CNBD1: variants seen among roughly 807,000 people sequenced by gnomAD.
The protein encoded by CNBD1 is cyclic nucleotide-binding domain-containing protein 1.
Under a neutral mutation model 54.4 loss-of-function variants are expected in CNBD1, and 71 were observed. The observed-to-expected ratio is 1.30, with a 90% CI of 1.08 to 1.59. The LOEUF is 1.59. Among genes scored for constraint, CNBD1 ranks in the 40% most tolerant of loss-of-function variants. CNBD1 has a pLI of 0.00. For synonymous variants in CNBD1, 182 were observed against 170.7 expected (o/e 1.07, Z -0.51); for missense variants, 659 against 518.0 (o/e 1.27, Z -2.64).
chr8:87,118,830 C>T (rs1811833018), intron 4 of CNBD1, among the ~76,000 whole-genome samples: 1 of 152,108 alleles, frequency 6.6e-6, no homozygotes. Context: ...AGTTTCCTGA[C>T]CTAATATTTG....
chr8:87,147,868 G>A (rs550605592), intron 4 of CNBD1, among the ~76,000 whole-genome samples: 4 of 152,046 alleles, frequency 2.6e-5, no homozygotes, highest in Non-Finnish European at 5.9e-5. Flanking sequence ...CATTAATTCT[G>A]TTTCTAACTC....
downstream of CNBD1, among the ~76,000 whole-genome samples, chr8:87,385,384 C>T (rs915714714): frequency 6.6e-6 from 1 of 152,092 alleles, no homozygotes; most frequent in Non-Finnish European, 1.5e-5. Flanking sequence ...AAAGGGGTGA[C>T]AGATGGCACC....
At chr8:86,948,803 G>C (rs536986861) in intron 4 of CNBD1, among the ~76,000 whole-genome samples, 1 of 152,232 alleles carries the variant, frequency 6.6e-6, no homozygotes, top group Non-Finnish European at 1.5e-5. Flanking sequence ...GGTTGCCTGT[G>C]CTTGCGGGTT....
At position 87,097,891 on chromosome 8, in the gene CNBD1, G is replaced by A. The variant is rs577003510; in HGVS notation, c.432-108102G>A. On this transcript the variant is annotated intron_variant, in intron 4 of 10. Transcript: ENST00000518476. ...CACTGGAGTCATCATAATTCTGACT[G>A]TTGTGACATACAATCCTTGTAATGT... Among the ~76,000 whole-genome samples the A allele has an allele frequency of 1.8e-4, 28 of 152,292 alleles. No individual in the cohort carries two copies. In the South Asian group the frequency reaches 5.8e-3, roughly 32 times the overall value.
chr8:86,921,081 G>A (rs1809264630), intron 3 of CNBD1, among the ~76,000 whole-genome samples: 1 of 152,096 alleles, frequency 6.6e-6, no homozygotes, highest in African/African-American at 2.4e-5. Flanking sequence ...ATTGCATTTT[G>A]AACTTGTGAG....
At chr8:87,029,912 C>G (rs538036273) in intron 4 of CNBD1, among the ~76,000 whole-genome samples, 2 of 152,140 alleles carry the variant, frequency 1.3e-5, no homozygotes, top group East Asian at 3.9e-4. Context: ...GTGCCTATGA[C>G]AGGCACATAT....
chr8:87,202,970 C>A (rs976291380), intron 4 of CNBD1, among the ~76,000 whole-genome samples: 1 of 152,062 alleles, frequency 6.6e-6, no homozygotes, highest in Non-Finnish European at 1.5e-5. Context: ...TGTGGTTGTA[C>A]CTGAAAAATC....
chr8:87,044,196 T>A (rs1244733296), intron 4 of CNBD1, among the ~76,000 whole-genome samples: 1 of 152,102 alleles, frequency 6.6e-6, no homozygotes, highest in Admixed American at 6.5e-5. Context: ...GTTCACATGA[T>A]CATATGTTTT....
At chr8:86,978,970 G>A (rs528068400) in intron 4 of CNBD1, among the ~76,000 whole-genome samples, 1 of 152,144 alleles carries the variant, frequency 6.6e-6, no homozygotes, top group African/African-American at 2.4e-5. Context: ...AACATTCCAA[G>A]TAATGAGTTA....
At chr8:87,305,846 C>G (rs1207703904) in intron 8 of CNBD1, among the ~76,000 whole-genome samples, 1 of 152,070 alleles carries the variant, frequency 6.6e-6, no homozygotes, top group East Asian at 1.9e-4. Flanking sequence ...TTGGCTTAAA[C>G]AAGGATTTCA....
intron 8 of CNBD1, among the ~76,000 whole-genome samples, chr8:87,296,418 A>C (rs1465887831): frequency 6.6e-6 from 1 of 152,100 alleles, no homozygotes; most frequent in Non-Finnish European, 1.5e-5. Context: ...AAGAAGTGAA[A>C]ATAGAAAAGA....
At chr8:86,869,847 T>C (rs1403673731) in intron 1 of CNBD1, among the ~76,000 whole-genome samples, 3 of 152,186 alleles carry the variant, frequency 2.0e-5, no homozygotes, top group Non-Finnish European at 4.4e-5. Context: ...AAAAAATTCT[T>C]ATTTTAAAAA....
intron 2 of CNBD1, among the ~76,000 whole-genome samples, chr8:87,411,429 T>TG (rs374942255): frequency 7.1e-6 from 1 of 141,336 alleles, no homozygotes; most frequent in African/African-American, 2.6e-5. Flanking sequence ...TATATATATT[T>TG]CATTCACACA....
intron 4 of CNBD1, among the ~76,000 whole-genome samples, chr8:86,978,287 G>C (rs77138133): frequency 2.0e-5 from 3 of 152,128 alleles, no homozygotes; most frequent in Non-Finnish European, 4.4e-5. Flanking sequence ...TTATGTGTCA[G>C]TGTGGGTGAG....
intron 4 of CNBD1, among the ~76,000 whole-genome samples, chr8:87,121,708 T>A (rs1424711404): frequency 6.6e-6 from 1 of 151,748 alleles, no homozygotes; most frequent in East Asian, 1.9e-4. Flanking sequence ...ACCATTCTAT[T>A]CTCTACTTCT....
intron 4 of CNBD1, among the ~76,000 whole-genome samples, chr8:86,951,522 G>A (rs1051254524): frequency 7.8e-6 from 1 of 128,826 alleles, no homozygotes; most frequent in African/African-American, 2.9e-5. Context: ...AGAGGTTTCA[G>A]TGAGCCGAGA....
chr8:87,324,560 A>T lies in CNBD1; in HGVS notation c.1043-27125A>T, dbSNP rs1018607420. On this transcript the variant is annotated intron_variant, in intron 8 of 10. Transcript: ENST00000518476. ...AGTGTATGTGTCAAGGAATGTATCCATTTCTTCTAGATTTTCTAGTTTATT... is the reference window on the plus strand; with the variant it reads ...AGTGTATGTGTCAAGGAATGTATCCTTTTCTTCTAGATTTTCTAGTTTATT... Among the ~76,000 whole-genome samples the T allele has an allele frequency of 1.2e-3, 180 of 144,740 alleles. 1 individual carries two copies. Among genetic ancestry groups the T allele is most frequent in the Non-Finnish European group, 2.2e-3 (143 of 66,270 alleles). The allele number at this position is 144,740 out of a possible 152,430, so 95.0% of individuals were successfully genotyped here.
At chr8:87,230,085 G>A (rs1046110592) in intron 5 of CNBD1, among the ~76,000 whole-genome samples, 2 of 152,192 alleles carry the variant, frequency 1.3e-5, no homozygotes, top group South Asian at 2.1e-4. Context: ...CAAAATGGGA[G>A]CCAAGACTTT....
At chr8:86,947,103 C>G (rs555925666) in intron 4 of CNBD1, among the ~76,000 whole-genome samples, 2 of 152,216 alleles carry the variant, frequency 1.3e-5, no homozygotes, top group African/African-American at 4.8e-5. Context: ...GGTCACTGTT[C>G]TCAGTCAAAC....
Sources: gnomAD v4.1 joint callset for allele counts (sites outside exome capture counted in the v4.1 genomes callset) on GRCh38, gnomAD v4.1.1 for gene constraint, MANE v1.5 for transcripts, NCBI Gene and HGNC (gene_info 2026-07-23, HGNC 2026-07-21) for gene names.